WDR1: variants seen among roughly 807,000 people sequenced by gnomAD.
WDR1 encodes the protein WD repeat-containing protein 1.
A neutral mutation model predicts 71.9 loss-of-function variants in WDR1; 21 were observed. That is an observed-to-expected ratio of 0.29 (90% CI 0.21 to 0.42). The LOEUF is 0.42. Ranked by LOEUF, WDR1 falls within the 10% of genes least tolerant of loss-of-function variation. The probability of loss-of-function intolerance (pLI) is 1.00; values close to 1 mark genes in which losing one functional copy is unlikely to be tolerated. For synonymous variants in WDR1, 424 were observed against 347.4 expected (o/e 1.22, Z -2.45); for missense variants, 696 against 824.5 (o/e 0.84, Z 1.91).
rs183640684 is a variant in WDR1 at position 10,096,916 on chromosome 4, C to T, written c.558+795G>A. Among the ~76,000 whole-genome samples, 24 of 152,292 alleles carry T rather than the reference C, an allele frequency of 1.6e-4. 1 individual carries two copies. The East Asian group carries it at 2.7e-3, about 17-fold the overall frequency. On this transcript the variant is annotated intron_variant, in intron 5 of 14. Coordinates refer to ENST00000499869, the MANE Select transcript of WDR1 (RefSeq NM_017491.5). The stretch of plus-strand genomic sequence containing the variant: ...TGTCCATCCTCAGCGCAAGCACAAG[C>T]GGGATGGGGAAAGCCAGGGCAGAGC...
chr4:10,112,181 A>G (rs1235736287), intron 2 of WDR1, among the ~76,000 whole-genome samples: 1 of 152,020 alleles, frequency 6.6e-6, no homozygotes, highest in Non-Finnish European at 1.5e-5. Context: ...GTTCACAGCC[A>G]TTGGGGGTGA....
chr4:10,105,806 CAA>C (rs1259000954), intron 2 of WDR1, among the ~76,000 whole-genome samples: 1 of 152,166 alleles, frequency 6.6e-6, no homozygotes, highest in Admixed American at 6.5e-5. Flanking sequence ...ATGTGTCCAC[CAA>C]AAGACACAGG....
chr4:10,099,796 A>G (rs1476226271), intron 3 of WDR1, among the ~76,000 whole-genome samples: 1 of 152,264 alleles, frequency 6.6e-6, no homozygotes, highest in African/African-American at 2.4e-5. Context: ...CACGACGCAC[A>G]GGAATCCAAG....
chr4:10,084,850 GT>G (rs1213731681), intron 8 of WDR1, among the ~76,000 whole-genome samples: 2 of 152,232 alleles, frequency 1.3e-5, no homozygotes, highest in Admixed American at 6.5e-5. Context: ...CACCTAACGT[GT>G]GCAGACACGT....
Position 10,083,151 on chromosome 4 carries a change from T to C in WDR1, c.1067A>G (p.Asn356Ser), listed in dbSNP as rs1765080868. The change falls in exon 10 of 15, where the codon AAC becomes AGC. Residue 356 changes from asparagine (N) to serine (S), a missense_variant. Transcript: ENST00000499869. ...GTGGCCTTTCCCAGCGAAGGAGTCG[T>C]TCTCCCCCGTCTCTGAATCCCAGTA... ...INYWDSETGE[N>S]DSFAGKGHTN... 1.2e-6 allele frequency: 2 copies of C among 1,613,806 alleles called. No homozygotes were observed. Among genetic ancestry groups the C allele is most frequent in the Non-Finnish European group, 1.7e-6 (2 of 1,179,820 alleles).
intron 2 of WDR1, among the ~76,000 whole-genome samples, chr4:10,109,395 G>C (rs929860903): frequency 7.2e-5 from 11 of 152,258 alleles, no homozygotes; most frequent in Admixed American, 2.0e-4. Context: ...ACTCCTCCCT[G>C]TGGTTTTGTT....
chr4:10,077,870 C>G lies in WDR1; in HGVS notation c.1452G>C (p.Lys484Asn), dbSNP rs1357535309. Residue 484 changes from lysine to asparagine, a missense_variant, in exon 13 of 15, where the codon AAG becomes AAC. By Grantham distance (94) the Lys-to-Asn change is moderately conservative (BLOSUM62 0). Coordinates refer to ENST00000499869, the MANE Select transcript of WDR1 (RefSeq NM_017491.5). ...ILGTTLKDEG[K>N]LLEAKGPVTD... Reference sequence around the variant, plus strand: ...TCACGGGGCCCTTGGCCTCTAGGAGCTTGCCCTCATCCTTCAGCGTGGTGC... The same window carrying G: ...TCACGGGGCCCTTGGCCTCTAGGAGGTTGCCCTCATCCTTCAGCGTGGTGC... 1.2e-6 allele frequency: 2 copies of G among 1,611,424 alleles called. No individual in the cohort carries two copies. The highest frequency in any genetic ancestry group is 3.3e-5 in the Admixed American group (2 of 59,720).
chr4:10,078,922 G>A lies in WDR1; in HGVS notation c.1364C>T (p.Pro455Leu). The change falls in exon 12 of 15, where the codon CCC becomes CTC. Residue 455 changes from proline (P) to leucine (L), a missense_variant. Coordinates refer to ENST00000499869, the MANE Select transcript of WDR1 (RefSeq NM_017491.5). ...CCCAATTGCCACCGTGTCCCCGCCG[G>A]GGTGCACTGCCACAACTTCGGGCTC... is the stretch of plus-strand genomic sequence containing the variant. ...GYEPEVVAVHPGGDTVAIGGV... is the reference protein window; with the variant it reads ...GYEPEVVAVHLGGDTVAIGGV... The A allele has an allele frequency of 1.2e-6, 2 of 1,612,936 alleles. No homozygotes were observed. The highest frequency in any genetic ancestry group is 1.7e-6 in the Non-Finnish European group (2 of 1,179,396).
At position 10,116,716 on chromosome 4, in the gene WDR1, G is replaced by T; in HGVS notation, c.-50C>A. On this transcript the variant is annotated 5_prime_UTR_variant, in exon 1 of 15. Coordinates refer to ENST00000499869, the MANE Select transcript of WDR1 (RefSeq NM_017491.5). ...CGCTCGCCGAGAGCCTCCGGGGCCG[G>T]CCCGCGCTGCGAATTACACCTCGCC... is the stretch of plus-strand genomic sequence containing the variant. 1 of 1,318,748 alleles carries T rather than the reference G, an allele frequency of 7.6e-7. No individual in the cohort carries two copies. Among genetic ancestry groups the T allele is most frequent in the Non-Finnish European group, 9.7e-7 (1 of 1,030,886 alleles). 81.7% of individuals were successfully genotyped at this position (1,318,748 alleles called of 1,614,324 possible).
chr4:10,109,665 C>T (rs1230359105), intron 2 of WDR1, among the ~76,000 whole-genome samples: 2 of 152,230 alleles, frequency 1.3e-5, no homozygotes, highest in Non-Finnish European at 2.9e-5. Context: ...CATTGGACTA[C>T]GTGTGAGCGG....
intron 11 of WDR1, among the ~76,000 whole-genome samples, chr4:10,080,154 T>C (rs941516508): frequency 1.3e-5 from 2 of 152,184 alleles, no homozygotes; most frequent in Admixed American, 1.3e-4. Flanking sequence ...TCTAACCTCC[T>C]GGGCAGCAGG....
At position 10,077,772 on chromosome 4, in the gene WDR1, C is replaced by T. The variant is rs752460457; in HGVS notation, c.1550G>A (p.Ser517Asn). 1 of 1,599,088 alleles carries T rather than the reference C, an allele frequency of 6.3e-7. No homozygotes were observed. The highest frequency in any genetic ancestry group is 8.5e-7 in the Non-Finnish European group (1 of 1,172,790). Residue 517 changes from serine (S) to asparagine (N), a missense_variant, in exon 13 of 15, where the codon AGC becomes AAC. Transcript: ENST00000499869. ...ACTCACCGAGTAGCCGTCAGCAACG[C>T]TGAACACTGTGACCACCTTGCTGGC... ...CDASKVVTVFSVADGYSENNV... is the reference protein window; with the variant it reads ...CDASKVVTVFNVADGYSENNV...
At chr4:10,096,823 C>T (rs1712377147) in intron 5 of WDR1, among the ~76,000 whole-genome samples, 1 of 152,124 alleles carries the variant, frequency 6.6e-6, no homozygotes, top group Non-Finnish European at 1.5e-5. Context: ...TTGGTCCAAT[C>T]TGCAAACACA....
intron 5 of WDR1, among the ~76,000 whole-genome samples, chr4:10,097,405 A>ATTTTT (rs1712408539): frequency 2.0e-5 from 3 of 152,252 alleles, no homozygotes; most frequent in Non-Finnish European, 4.4e-5. Context: ...GAGCACCTCC[A>ATTTTT]GCCCCAGATG....
At chr4:10,092,815 G>C (rs573814087) in intron 5 of WDR1, 8 of 346,662 alleles carry the variant, frequency 2.3e-5, no homozygotes, top group African/African-American at 1.7e-4. Flanking sequence ...AGGGGCAGCA[G>C]CTTCCTGAGG....
In WDR1 at chr4:10,116,762, G is replaced by A. The variant is rs1713770919; in HGVS notation, c.-96C>T. 1.6e-6 allele frequency: 2 copies of A among 1,232,052 alleles called. No individual in the cohort carries two copies. Among genetic ancestry groups the A allele is most frequent in the Admixed American group, 4.2e-5 (1 of 23,776 alleles). The allele number at this position is 1,232,052 out of a possible 1,614,324, so 76.3% of individuals were successfully genotyped here. The stretch of plus-strand genomic sequence containing the variant: ...TCGCCGAGGCCGAGCCCGGGGACTG[G>A]AGCCGGAAGGCGGCACCGGGCGTGC... On this transcript the variant is annotated 5_prime_UTR_variant, in exon 1 of 15. Transcript: ENST00000499869.
intron 12 of WDR1, among the ~76,000 whole-genome samples, chr4:10,078,140 C>G (rs563606971): frequency 1.3e-5 from 2 of 152,330 alleles, no homozygotes; most frequent in African/African-American, 4.8e-5. Context: ...CTCGGGGCAC[C>G]GCTGGTCTCA....
chr4:10,099,941 A>AC (rs1712589571), intron 3 of WDR1, among the ~76,000 whole-genome samples: 1 of 152,028 alleles, frequency 6.6e-6, no homozygotes, highest in African/African-American at 2.4e-5. Context: ...GGGGCCACGT[A>AC]CCCCCAATCC....
At chr4:10,116,558 G>A (rs932710742) in intron 1 of WDR1, 93 bp downstream of exon 1, 15 of 995,512 alleles carry the variant, frequency 1.5e-5, no homozygotes, top group East Asian at 5.8e-5. Context: ...CCGCGCCGAG[G>A]ACTCCCCCGC....
Sources: allele counts gnomAD v4.1 joint callset (sites outside exome capture counted in the v4.1 genomes callset), GRCh38; gene constraint gnomAD v4.1.1; transcripts MANE v1.5; gene names NCBI Gene and HGNC (gene_info 2026-07-23, HGNC 2026-07-21).